The following PHACTR3 variants were observed in gnomAD, a reference collection of about 807,000 sequenced individuals.
The protein encoded by PHACTR3 is protein phosphatase 1, regulatory subunit 123.
PHACTR3 carries 16 observed loss-of-function variants against 66.8 expected under a neutral mutation model. The ratio of observed to expected loss-of-function variants is 0.24; its 90% CI spans 0.16 to 0.36. The LOEUF (loss-of-function observed/expected upper bound fraction) is 0.36, where lower values mean the gene tolerates loss of function less well. Among genes scored for constraint, PHACTR3 ranks in the 10% least tolerant of loss-of-function variants. The pLI, the probability that PHACTR3 is intolerant of heterozygous loss-of-function variation, is 1.00. For missense variants in PHACTR3, 647 were observed against 719.9 expected (o/e 0.90, Z 1.16); for synonymous variants, 323 against 292.1 (o/e 1.11, Z -1.08).
intron 3 of PHACTR3, among the ~76,000 whole-genome samples, chr20:59,749,668 T>C (rs2039507044): frequency 6.6e-6 from 1 of 152,356 alleles, no homozygotes; most frequent in East Asian, 1.9e-4. Flanking sequence ...GTGCAGTCTC[T>C]GTTGCAACTA....
chr20:59,783,926 C>T (rs2040815187), intron 7 of PHACTR3, among the ~76,000 whole-genome samples: 1 of 152,262 alleles, frequency 6.6e-6, no homozygotes, highest in Admixed American at 6.5e-5. Flanking sequence ...GGAACTGTAT[C>T]CGTCTCCCTG....
chr20:59,733,540 C>T (rs562839089), intron 1 of PHACTR3, among the ~76,000 whole-genome samples: 2 of 152,290 alleles, frequency 1.3e-5, no homozygotes, highest in South Asian at 4.1e-4. Context: ...TCTCCTTCCT[C>T]CTCCCAGATC....
rs761386479 is a variant in PHACTR3, at chr20:59,755,207, C to T, written c.384C>T (p.Pro128=). 40 of 1,613,144 alleles carry T rather than the reference C, an allele frequency of 2.5e-5. No individual in the cohort carries two copies. Among genetic ancestry groups the T allele is most frequent in the East Asian group, 8.9e-5 (4 of 44,888 alleles). ...EQDAESKTCN[P]DGGPRSVQSE... ...ATGCTGAAAGCAAAACTTGCAACCC[C>T]GATGGAGGACCCCGATCTGTACAGA... Residue 128 remains proline, a synonymous_variant, in exon 4 of 13, where the codon CCC becomes CCT. Coordinates refer to ENST00000371015, the MANE Select transcript of PHACTR3 (RefSeq NM_080672.5).
intron 8 of PHACTR3, among the ~76,000 whole-genome samples, chr20:59,823,419 C>T (rs1183243477): frequency 6.6e-6 from 1 of 152,186 alleles, no homozygotes; most frequent in African/African-American, 2.4e-5. Flanking sequence ...CCTCAGTGCT[C>T]AGCCCCAGGT....
chr20:59,644,120 T>C (rs2035198448), intron 1 of PHACTR3, among the ~76,000 whole-genome samples: 1 of 152,084 alleles, frequency 6.6e-6, no homozygotes, highest in South Asian at 2.1e-4. Flanking sequence ...GCTTCTGGTA[T>C]AGTGGGGAGG....
intron 1 of PHACTR3, among the ~76,000 whole-genome samples, chr20:59,718,079 G>A (rs1426020389): frequency 6.6e-6 from 1 of 152,068 alleles, no homozygotes; most frequent in Non-Finnish European, 1.5e-5. Flanking sequence ...GGTGGTCAAG[G>A]GCAAAAAGAT....
At chr20:59,825,403 G>T (rs1460543113) in intron 8 of PHACTR3, among the ~76,000 whole-genome samples, 1 of 152,194 alleles carries the variant, frequency 6.6e-6, no homozygotes, top group Non-Finnish European at 1.5e-5. Flanking sequence ...CATTCATTCA[G>T]TCACTTGTTC....
intron 1 of PHACTR3, among the ~76,000 whole-genome samples, chr20:59,717,143 CAG>C (rs1380889568): frequency 1.3e-5 from 2 of 152,114 alleles, no homozygotes; most frequent in Non-Finnish European, 2.9e-5. Flanking sequence ...CCAACACAAA[CAG>C]TACATAAAAA....
In PHACTR3 at chr20:59,708,832, G is replaced by A. The variant is rs140859596; in HGVS notation, c.119-34275G>A. Among the ~76,000 whole-genome samples, 215 of 152,266 alleles carry A rather than the reference G, an allele frequency of 1.4e-3. 1 individual carries two copies. The highest frequency in any genetic ancestry group is 4.0e-3 in the African/African-American group (165 of 41,550). On this transcript the variant is annotated intron_variant, in intron 1 of 12. Transcript: ENST00000371015. ...CAGGGATAGGATAACTGCAGTAAAC[G>A]TTCAGAAAAGGGACGATGAACTGTC...
intron 1 of PHACTR3, among the ~76,000 whole-genome samples, chr20:59,661,003 CTGTT>C (rs1366652705): frequency 1.3e-5 from 2 of 152,210 alleles, no homozygotes; most frequent in African/African-American, 4.8e-5. Context: ...GCCTGAATGT[CTGTT>C]TGACTGTATC....
intron 1 of PHACTR3, among the ~76,000 whole-genome samples, chr20:59,615,775 A>T (rs1279266652): frequency 2.6e-5 from 4 of 152,226 alleles, no homozygotes; most frequent in South Asian, 2.1e-4. Flanking sequence ...ACCTTCACTT[A>T]TGCTGATTCT....
intron 1 of PHACTR3, among the ~76,000 whole-genome samples, chr20:59,631,074 C>T (rs139663474): frequency 3.3e-5 from 5 of 152,110 alleles, no homozygotes; most frequent in South Asian, 2.1e-4. Context: ...TTAAAGTGTG[C>T]GTTGAGCAGG....
At chr20:59,821,919 C>T (rs779615829) in intron 8 of PHACTR3, among the ~76,000 whole-genome samples, 27 of 151,646 alleles carry the variant, frequency 1.8e-4, no homozygotes, top group Non-Finnish European at 3.1e-4. Flanking sequence ...CTGAGAGGCG[C>T]TGAGAGTGAT....
At chr20:59,656,357 G>T (rs1359458954) in intron 1 of PHACTR3, among the ~76,000 whole-genome samples, 1 of 151,524 alleles carries the variant, frequency 6.6e-6, no homozygotes, top group Admixed American at 6.6e-5. Flanking sequence ...TCATTTTTAT[G>T]CCTCCCTGAT....
intron 2 of PHACTR3, 91 bp downstream of exon 2, chr20:59,743,359 G>A: frequency 4.7e-6 from 7 of 1,501,278 alleles, no homozygotes; most frequent in Non-Finnish European, 6.4e-6. Flanking sequence ...GTGACTTCCT[G>A]GCCCCTACAC....
intron 8 of PHACTR3, among the ~76,000 whole-genome samples, chr20:59,813,100 C>T (rs746086812): frequency 6.6e-6 from 1 of 152,186 alleles, no homozygotes; most frequent in Non-Finnish European, 1.5e-5. Context: ...GGTTATGGTC[C>T]ACGTTCACTG....
At chr20:59,821,821 A>C (rs544982611) in intron 8 of PHACTR3, among the ~76,000 whole-genome samples, 5 of 151,898 alleles carry the variant, frequency 3.3e-5, no homozygotes, top group Non-Finnish European at 7.4e-5. Flanking sequence ...CGGGGAATTT[A>C]AAAATGCCCC....
At chr20:59,628,896 T>G (rs2034561837) in intron 1 of PHACTR3, 2 of 840,432 alleles carry the variant, frequency 2.4e-6, no homozygotes, top group Non-Finnish European at 2.9e-6. Flanking sequence ...TAGACTCACG[T>G]GGGGGTTGCA....
Position 59,803,649 on chromosome 20 carries a change from C to T in PHACTR3, c.1175-2392C>T, listed in dbSNP as rs538647921. Among the ~76,000 whole-genome samples, 47 of 152,220 alleles carry T rather than the reference C, an allele frequency of 3.1e-4. No individual in the cohort carries two copies. The South Asian group carries it at 9.8e-3, about 32-fold the overall frequency. On this transcript the variant is annotated intron_variant, in intron 7 of 12. Coordinates refer to ENST00000371015, the MANE Select transcript of PHACTR3 (RefSeq NM_080672.5). ...TTTTGTCATTCCGTAACATATACGC[C>T]ACCATTTTTAATAGGTACACAATAT...
Sources: gnomAD v4.1 joint callset for allele counts (sites outside exome capture counted in the v4.1 genomes callset) on GRCh38, gnomAD v4.1.1 for gene constraint, MANE v1.5 for transcripts, NCBI Gene and HGNC (gene_info 2026-07-23, HGNC 2026-07-21) for gene names.